The following CEACAM4 variants were observed in gnomAD, a reference collection of about 807,000 sequenced individuals.
CEACAM4 encodes CEA cell adhesion molecule 4.
In CEACAM4, 30 loss-of-function variants were observed where a neutral mutation model predicts 28.7. The observed-to-expected ratio is 1.05, with a 90% CI of 0.78 to 1.42. The LOEUF is 1.42. Ranked by LOEUF, CEACAM4 falls within the 40% of genes most tolerant of loss-of-function variation. CEACAM4 has a pLI of 0.00. For synonymous variants in CEACAM4, 143 were observed against 126.5 expected, an observed-to-expected ratio of 1.13 and a Z score of -0.87; for missense variants, 330 against 308.2, an observed-to-expected ratio of 1.07 and a Z score of -0.53.
downstream of CEACAM4, among the ~76,000 whole-genome samples, chr19:41,617,702 G>T (rs1158398586): frequency 3.9e-5 from 6 of 152,262 alleles, no homozygotes; most frequent in Admixed American, 1.3e-4. Context: ...TGGAGAAAGA[G>T]GACACAGCCA....
intron 5 of CEACAM4, 82 bp from the exon 6 acceptor site, chr19:41,619,793 C>A: frequency 1.7e-6 from 2 of 1,186,028 alleles, no homozygotes; most frequent in Non-Finnish European, 2.3e-6. Flanking sequence ...TGTCTCTGAT[C>A]GGCCAGGACT....
chr19:41,625,795 G>C lies in CEACAM4; in HGVS notation c.230C>G (p.Pro77Arg), dbSNP rs782605469. 6.2e-7 allele frequency: 1 copy of C among 1,613,898 alleles called. No individual in the cohort carries two copies. Among genetic ancestry groups the C allele is most frequent in the South Asian group, 1.1e-5 (1 of 91,074 alleles). The change falls in exon 2 of 7, where the codon CCT becomes CGT. Residue 77 changes from proline (P) to arginine (R), a missense_variant. Physicochemically the swap from Pro to Arg is moderately radical, Grantham distance 103. Coordinates refer to ENST00000221954, the MANE Select transcript of CEACAM4 (RefSeq NM_001817.4). ...GTCTGTTATATAACCAGCAATGAGA[G>C]GGCTCCCTTCTGCCGTTTTCCCCTT... ...WHKGKTAEGSPLIAGYITDIQ... is the reference protein window; with the variant it reads ...WHKGKTAEGSRLIAGYITDIQ...
chr19:41,615,753 G>A (rs2070976104), downstream of CEACAM4, among the ~76,000 whole-genome samples: 1 of 152,072 alleles, frequency 6.6e-6, no homozygotes, highest in South Asian at 2.1e-4. Flanking sequence ...ATGTGAGGTG[G>A]GGTTTGTTCC....
Position 41,620,189 on chromosome 19 carries a change from G to T in CEACAM4, c.627+22C>A, listed in dbSNP as rs375551435. 5.6e-5 allele frequency: 84 copies of T among 1,493,612 alleles called. No individual in the cohort carries two copies. The East Asian group carries it at 5.9e-4, about 10-fold the overall frequency. The allele number at this position is 1,493,612 out of a possible 1,614,324, so 92.5% of individuals were successfully genotyped here. A position where few individuals can be genotyped will look rare whatever the true frequency, so the allele number is the denominator to read the frequency against. On this transcript the variant is annotated intron_variant, in intron 5 of 6. Transcript: ENST00000221954. The stretch of plus-strand genomic sequence containing the variant: ...ACTGTTGGGACCCCAGTAGAAAAGG[G>T]CTGGGGAGGGAACAGGCTTACCGAG...
At chr19:41,618,774 C>G (rs1317614100), downstream of CEACAM4, among the ~76,000 whole-genome samples, 2 of 152,172 alleles carry the variant, frequency 1.3e-5, no homozygotes, top group Admixed American at 6.5e-5. Flanking sequence ...TGGCCTTGGT[C>G]CCTGGGGTAG....
At chr19:41,620,450 TGTTTCCTGAC>T in intron 4 of CEACAM4, 115 bp downstream of exon 4, 1 of 931,284 alleles carries the variant, frequency 1.1e-6, no homozygotes, top group Non-Finnish European at 1.6e-6. Flanking sequence ...CCCTGTGTCA[TGTTTCCTGAC>T]ATCCTCCTTG....
At chr19:41,620,363 G>T (rs2071196085) in intron 4 of CEACAM4, 121 bp from the exon 5 acceptor site, 7 of 1,012,264 alleles carry the variant, frequency 6.9e-6, no homozygotes, top group Non-Finnish European at 9.8e-6. Context: ...TCCCAGGGGA[G>T]ACCTGAGCAG....
At chr19:41,618,903 A>G, downstream of CEACAM4, 1 of 170,616 alleles carries the variant, frequency 5.9e-6, no homozygotes, top group Non-Finnish European at 1.2e-5. Context: ...CAGGGAAGAG[A>G]GACTGTGGTT....
At chr19:41,621,965 A>C (rs1158781945) in intron 2 of CEACAM4, among the ~76,000 whole-genome samples, 197 bp from the exon 3 acceptor site, 2 of 152,164 alleles carry the variant, frequency 1.3e-5, no homozygotes, top group African/African-American at 4.8e-5. Context: ...GACTTGACAC[A>C]CTGGGATGTA....
intron 2 of CEACAM4, 171 bp downstream of exon 2, chr19:41,625,430 A>G (rs938023867): frequency 4.9e-6 from 4 of 810,720 alleles, no homozygotes; most frequent in Non-Finnish European, 6.0e-6. Flanking sequence ...CAGGAAAGGA[A>G]TTCTGATCTG....
At position 41,626,989 on chromosome 19, in the gene CEACAM4, G is replaced by A. The variant is rs1294182225; in HGVS notation, c.-26C>T. 6.3e-7 allele frequency: 1 copy of A among 1,582,372 alleles called. No individual in the cohort carries two copies. The highest frequency in any genetic ancestry group is 1.4e-5 in the African/African-American group (1 of 72,682). ...GGTCTCTGCTGCCTGCTTGTCCTCT[G>A]TGGAGAGGAGCTGGGCTCCAGGAAC... On this transcript the variant is annotated 5_prime_UTR_variant, in exon 1 of 7. Transcript: ENST00000221954.
Position 41,625,600 on chromosome 19 carries a change from C to T in CEACAM4, c.424+1G>A, listed in dbSNP as rs1466280079. ...CCCAGAGGTATGGGGGAATCACTCACGGTGTACGTGGAGCTGGCCAGTTGC... is the reference window on the plus strand; with the variant it reads ...CCCAGAGGTATGGGGGAATCACTCATGGTGTACGTGGAGCTGGCCAGTTGC... On this transcript the variant is annotated splice_donor_variant, in intron 2 of 6. Transcript: ENST00000221954. LOFTEE classifies it high-confidence loss of function. 2.3e-5 allele frequency: 36 copies of T among 1,564,374 alleles called. No individual in the cohort carries two copies. Among genetic ancestry groups the T allele is most frequent in the Non-Finnish European group, 3.0e-5 (35 of 1,153,868 alleles).
chr19:41,616,327 C>T (rs782817380), downstream of CEACAM4, among the ~76,000 whole-genome samples: 4 of 152,148 alleles, frequency 2.6e-5, no homozygotes, highest in East Asian at 3.9e-4. Context: ...CCACTGCTCT[C>T]GGCCGCGGTG....
chr19:41,627,000 C>G lies in CEACAM4; in HGVS notation c.-37G>C. On this transcript the variant is annotated 5_prime_UTR_variant, in exon 1 of 7. Transcript: ENST00000221954. ...CCTGCTTGTCCTCTGTGGAGAGGAGCTGGGCTCCAGGAACGCTCTTGTCAG... is the reference window on the plus strand; with the variant it reads ...CCTGCTTGTCCTCTGTGGAGAGGAGGTGGGCTCCAGGAACGCTCTTGTCAG... 2 of 1,558,818 alleles carry G rather than the reference C, an allele frequency of 1.3e-6. No individual in the cohort carries two copies. The highest frequency in any genetic ancestry group is 1.7e-6 in the Non-Finnish European group (2 of 1,149,370).
intron 3 of CEACAM4, 46 bp downstream of exon 3, chr19:41,621,605 G>A (rs2019253): frequency 0.099 from 105,070 of 1,058,342 alleles, 8,144 homozygotes; most frequent in East Asian, 0.38. Flanking sequence ...CTCCCTGACT[G>A]GGGTCAGCCT....
chr19:41,613,668 G>A, the CEACAM4 span, among the ~76,000 whole-genome samples: 4 of 152,088 alleles, frequency 2.6e-5, no homozygotes, highest in Non-Finnish European at 5.9e-5. Flanking sequence ...TTTAATGCAA[G>A]CAGACATGAG....
rs782580933 is a variant in CEACAM4, at chr19:41,626,939, G to A, written c.25C>T (p.Arg9Cys). The A allele has an allele frequency of 7.7e-5, 123 of 1,606,456 alleles. No individual in the cohort carries two copies. Among genetic ancestry groups the A allele is most frequent in the Non-Finnish European group, 9.0e-5 (106 of 1,176,176 alleles). Reference protein sequence around the residue: MGPPSAAPRGGHRPWQGLL... With the variant: MGPPSAAPCGGHRPWQGLL... ...CCCTGCCAGGGCCTGTGCCCTCCAC[G>A]GGGAGCGGCTGAGGGGGGGCCCATG... The change falls in exon 1 of 7, where the codon CGT (arginine) becomes TGT (cysteine). Residue 9 changes from arginine to cysteine, a missense_variant. Physicochemically the swap from Arg to Cys is radical, Grantham distance 180. Transcript: ENST00000221954.
In CEACAM4 at chr19:41,620,605, T is replaced by C. The variant is rs782797984; in HGVS notation, c.565A>G (p.Arg189Gly). 1.2e-5 allele frequency: 19 copies of C among 1,611,964 alleles called. No individual in the cohort carries two copies. Among genetic ancestry groups the C allele is most frequent in the Non-Finnish European group, 1.6e-5 (19 of 1,179,012 alleles). ...GTGGAGGCTGGGGGCGGCTGCTCCC[T>C]GAGGTCACGCTGGATGCTGGCCCTA... The part of the protein sequence containing the change: ...TGRASIQRDL[R>G]EQPPPASTPG... The change falls in exon 4 of 7, where the codon AGG becomes GGG. Residue 189 changes from arginine to glycine, a missense_variant. Arg to Gly is a moderately radical substitution (Grantham distance 125). Transcript: ENST00000221954.
In CEACAM4 at chr19:41,625,860, G is replaced by C; in HGVS notation, c.165C>G (p.Ala55=). ...AAEGKDVLLL[A]CNISETIQAY... ...CTTGAATAGTTTCTGAAATATTGCA[G>C]GCCAGTAGAAGAACATCCTTTCCCT... The change falls in exon 2 of 7, where the codon GCC becomes GCG. Residue 55 remains alanine (A), a synonymous_variant. Transcript: ENST00000221954. 6.2e-7 allele frequency: 1 copy of C among 1,613,966 alleles called. No homozygotes were observed. The highest frequency in any genetic ancestry group is 8.5e-7 in the Non-Finnish European group (1 of 1,179,984).
Sources: allele counts gnomAD v4.1 joint callset (sites outside exome capture counted in the v4.1 genomes callset), GRCh38; gene constraint gnomAD v4.1.1; transcripts MANE v1.5; gene names NCBI Gene and HGNC (gene_info 2026-07-23, HGNC 2026-07-21).